CD44: variants seen among roughly 807,000 people sequenced by gnomAD.
CD44 encodes CD44 antigen.
Under a neutral mutation model 88.8 loss-of-function variants are expected in CD44, and 49 were observed. That is an observed-to-expected ratio of 0.55 (90% confidence interval 0.44 to 0.70). The LOEUF is 0.70. CD44 is among the 30% of genes least tolerant of loss of function. The pLI is 0.00. For synonymous variants in CD44, 325 were observed against 312.3 expected (o/e 1.04, Z -0.43); for missense variants, 883 against 913.8 (o/e 0.97, Z 0.43).
At chr11:35,168,012 T>C (rs989483199) in intron 1 of CD44, among the ~76,000 whole-genome samples, 1 of 152,182 alleles carries the variant, frequency 6.6e-6, no homozygotes. Flanking sequence ...CCAGTCAAGG[T>C]CAAGACTTCA....
rs1049706110 is a variant in CD44 at position 35,229,895 on chromosome 11, T to C, written c.*562T>C. The C allele has an allele frequency of 2.6e-5, 4 of 153,646 alleles. No homozygotes were observed. The highest frequency in any genetic ancestry group is 9.6e-5 in the African/African-American group (4 of 41,480). 9.5% of individuals were successfully genotyped at this position (153,646 alleles called of 1,614,324 possible). ...GAAGCTATTTATCTGTAGTAAACTA[T>C]TTATCTGTGTTTTTGAAATATTAAA... On this transcript the variant is annotated 3_prime_UTR_variant, in exon 18 of 18. Transcript: ENST00000428726.
chr11:35,195,820 T>C (rs1221037079), intron 5 of CD44, among the ~76,000 whole-genome samples: 2 of 152,110 alleles, frequency 1.3e-5, no homozygotes, highest in African/African-American at 2.4e-5. Context: ...ATTATCCTAT[T>C]TTCAAAGAAT....
chr11:35,229,367 T>C lies in CD44; in HGVS notation c.*34T>C. 1 of 1,407,306 alleles carries C rather than the reference T, an allele frequency of 7.1e-7. No homozygotes were observed. 87.2% of individuals were successfully genotyped at this position (1,407,306 alleles called of 1,614,324 possible). On this transcript the variant is annotated 3_prime_UTR_variant, in exon 18 of 18. Transcript: ENST00000428726. ...CCATTATCTTGGAAAGAAACAACCGTTGGAAACATAACCATTACAGGGAGC... is the reference window on the plus strand; with the variant it reads ...CCATTATCTTGGAAAGAAACAACCGCTGGAAACATAACCATTACAGGGAGC...
chr11:35,220,151 C>T (rs557375323), intron 16 of CD44, among the ~76,000 whole-genome samples: 2 of 152,198 alleles, frequency 1.3e-5, no homozygotes, highest in Non-Finnish European at 2.9e-5. Context: ...ATGCACCGTT[C>T]TCCTTTGCCC....
chr11:35,142,321 C>T lies in CD44; in HGVS notation c.67+2951C>T, dbSNP rs539486611. Among the ~76,000 whole-genome samples, 8 of 152,214 alleles carry T rather than the reference C, an allele frequency of 5.3e-5. No homozygotes were observed. The South Asian group carries it at 1.5e-3, about 28-fold the overall frequency. ...TACTGGGTATATACCCAAAGGACTA[C>T]AAATCATGCTGCTATAAAGACACAT... On this transcript the variant is annotated intron_variant, in intron 1 of 17. Coordinates refer to ENST00000428726, the MANE Select transcript of CD44 (RefSeq NM_000610.4).
intron 16 of CD44, among the ~76,000 whole-genome samples, chr11:35,219,703 C>G (rs1949131046): frequency 6.6e-6 from 1 of 152,206 alleles, no homozygotes; most frequent in Non-Finnish European, 1.5e-5. Context: ...CAAGAGGACC[C>G]CATGTCATAC....
intron 1 of CD44, among the ~76,000 whole-genome samples, chr11:35,162,955 A>T (rs993791872): frequency 1.3e-5 from 2 of 152,154 alleles, no homozygotes; most frequent in Non-Finnish European, 2.9e-5. Flanking sequence ...AAAGAGGAAC[A>T]TGAGGAAAGA....
intron 9 of CD44, among the ~76,000 whole-genome samples, chr11:35,203,820 T>C (rs1467334784): frequency 2.0e-5 from 3 of 152,240 alleles, no homozygotes; most frequent in African/African-American, 7.2e-5. Context: ...TTGTCCTTTT[T>C]AAAATGATGG....
intron 1 of CD44, among the ~76,000 whole-genome samples, chr11:35,170,537 T>G (rs1943759380): frequency 6.6e-6 from 1 of 152,170 alleles, no homozygotes; most frequent in Non-Finnish European, 1.5e-5. Flanking sequence ...AATCCAAAAG[T>G]GGCCTCAAAC....
At chr11:35,193,499 T>C (rs1417809463) in intron 5 of CD44, among the ~76,000 whole-genome samples, 1 of 152,218 alleles carries the variant, frequency 6.6e-6, no homozygotes. Flanking sequence ...CTATCTGAAA[T>C]AATATGCAAA....
chr11:35,150,752 TAGG>T (rs1218408766), intron 1 of CD44, among the ~76,000 whole-genome samples: 1 of 152,222 alleles, frequency 6.6e-6, no homozygotes, highest in African/African-American at 2.4e-5. Flanking sequence ...CACAGTATTC[TAGG>T]AGAAGTGAGA....
intron 1 of CD44, among the ~76,000 whole-genome samples, chr11:35,172,968 G>A (rs553271670): frequency 1.3e-5 from 2 of 152,346 alleles, no homozygotes; most frequent in South Asian, 4.1e-4. Context: ...TGTCAGTGAA[G>A]TTATGTTGGC....
Position 35,230,000 on chromosome 11 carries a change from A to C in CD44, c.*667A>C, listed in dbSNP as rs1302075846. 1 of 152,340 alleles carries C rather than the reference A, an allele frequency of 6.6e-6. No individual in the cohort carries two copies. 9.4% of individuals were successfully genotyped at this position (152,340 alleles called of 1,614,324 possible). ...ACAAAAGGGTTTAAACTGATTCATA[A>C]TAAATATCTGTACTTCTTCGATCTT... is the stretch of plus-strand genomic sequence containing the variant. On this transcript the variant is annotated 3_prime_UTR_variant, in exon 18 of 18. Transcript: ENST00000428726.
intron 4 of CD44, 101 bp from the exon 5 acceptor site, chr11:35,189,734 A>G: frequency 1.3e-6 from 1 of 798,442 alleles, no homozygotes; most frequent in Non-Finnish European, 2.1e-6. Context: ...GGTGTTTCTC[A>G]TTACAAAGGA....
chr11:35,202,538 T>C, intron 9 of CD44, among the ~76,000 whole-genome samples: 1 of 152,210 alleles, frequency 6.6e-6, no homozygotes, highest in East Asian at 1.9e-4. Context: ...GTATTTATTT[T>C]GGAAAACAGC....
intron 15 of CD44, among the ~76,000 whole-genome samples, chr11:35,218,738 T>C (rs1949045885): frequency 6.6e-6 from 1 of 152,178 alleles, no homozygotes; most frequent in Admixed American, 6.5e-5. Context: ...AAGATTCTGA[T>C]TTGGTAGCTT....
chr11:35,180,519 TG>T, intron 3 of CD44, 112 bp downstream of exon 3: 1 of 1,170,584 alleles, frequency 8.5e-7, no homozygotes. Flanking sequence ...AAATGCTCAC[TG>T]AATATCTGTA....
rs566776937 is a variant in CD44, at chr11:35,180,479, G to A, written c.367+72G>A. ...CTGGTCTTTGGAGCTCAGCTTAAGT[G>A]GGGATTCATGTAGCCTCCATTTACA... is the stretch of plus-strand genomic sequence containing the variant. On this transcript the variant is annotated intron_variant, in intron 3 of 17. Coordinates refer to ENST00000428726, the MANE Select transcript of CD44 (RefSeq NM_000610.4). 168 of 1,523,752 alleles carry A rather than the reference G, an allele frequency of 1.1e-4. No homozygotes were observed. In the African/African-American group the frequency reaches 2.1e-3, roughly 19 times the overall value. The allele number at this position is 1,523,752 out of a possible 1,614,324, so 94.4% of individuals were successfully genotyped here.
intron 3 of CD44, among the ~76,000 whole-genome samples, chr11:35,184,672 A>G (rs1945479316): frequency 6.6e-6 from 1 of 152,238 alleles, no homozygotes. Context: ...TGAGTTTATC[A>G]GAAGCAGGGA....
Sources: allele counts gnomAD v4.1 joint callset (sites outside exome capture counted in the v4.1 genomes callset), GRCh38; gene constraint gnomAD v4.1.1; transcripts MANE v1.5; gene names NCBI Gene and HGNC (gene_info 2026-07-23, HGNC 2026-07-21).